The following SLC15A1 variants were observed in gnomAD, a reference collection of about 807,000 sequenced individuals.
SLC15A1 encodes the protein Caco-2 oligopeptide transporter.
Under a neutral mutation model 92.9 loss-of-function variants are expected in SLC15A1, and 83 were observed. That is an observed-to-expected ratio of 0.89 (90% CI 0.75 to 1.07). The LOEUF (loss-of-function observed/expected upper bound fraction) is 1.07. SLC15A1 is among the 50% of genes least tolerant of loss of function. The pLI is 0.00. For synonymous variants in SLC15A1, 322 were observed against 318.2 expected (o/e 1.01, Z -0.13); for missense variants, 857 against 880.1 (o/e 0.97, Z 0.33).
chr13:98,726,341 A>T (rs1444430730), intron 3 of SLC15A1, 27 bp downstream of exon 3: 1 of 1,614,164 alleles, frequency 6.2e-7, no homozygotes, highest in Admixed American at 1.7e-5. Context: ...TCTTCCCTGA[A>T]GGGTGAGAAA....
At chr13:98,700,257 T>G (rs1231849796) in intron 18 of SLC15A1, among the ~76,000 whole-genome samples, 1 of 151,058 alleles carries the variant, frequency 6.6e-6, no homozygotes, top group East Asian at 1.9e-4. Context: ...GAGTCTGGGG[T>G]GGGAGGATTG....
At chr13:98,716,001 C>T (rs2088209167) in intron 8 of SLC15A1, 41 bp from the exon 9 acceptor site, 1 of 1,551,784 alleles carries the variant, frequency 6.4e-7, no homozygotes, top group Admixed American at 1.7e-5. Context: ...AAGCATGTGA[C>T]CGAGCGCCCT....
intron 15 of SLC15A1, among the ~76,000 whole-genome samples, chr13:98,708,051 C>G (rs1346500759): frequency 2.0e-5 from 3 of 149,712 alleles, no homozygotes; most frequent in Admixed American, 6.7e-5. Flanking sequence ...TCTTAATAAA[C>G]TTGCTTTCAC....
intron 1 of SLC15A1, among the ~76,000 whole-genome samples, chr13:98,728,376 A>G (rs1279132820): frequency 1.3e-5 from 2 of 152,124 alleles, no homozygotes; most frequent in Non-Finnish European, 2.9e-5. Flanking sequence ...TTCTATTTCT[A>G]TGAAAGTTGT....
intron 18 of SLC15A1, among the ~76,000 whole-genome samples, chr13:98,700,060 G>A (rs9300504): frequency 0.04 from 6,085 of 152,246 alleles, 188 homozygotes; most frequent in East Asian, 0.095. Context: ...AGCTTTTAGA[G>A]TACTTTACAT....
Position 98,721,517 on chromosome 13 carries a change from T to G in SLC15A1, c.534A>C (p.Thr178=), listed in dbSNP as rs368333621. 6.2e-6 allele frequency: 10 copies of G among 1,613,242 alleles called. No homozygotes were observed. The highest frequency in any genetic ancestry group is 8.5e-6 in the Non-Finnish European group (10 of 1,179,602). The change falls in exon 7 of 23, where the codon ACA becomes ACC. Residue 178 remains threonine (T), a synonymous_variant. Coordinates refer to ENST00000376503, the MANE Select transcript of SLC15A1 (RefSeq NM_005073.4). ...TACCTCTGAGCATGGGTGTGATGAT[T>G]GTGGAAAGCAAACTTCCAGCATTAA... ...LAINAGSLLS[T]IITPMLRVQQ...
Position 98,686,278 on chromosome 13 carries a change from G to C in SLC15A1, c.1847C>G (p.Ser616Trp). 1 of 1,611,618 alleles carries C rather than the reference G, an allele frequency of 6.2e-7. No homozygotes were observed. The highest frequency in any genetic ancestry group is 8.5e-7 in the Non-Finnish European group (1 of 1,178,936). The change falls in exon 22 of 23, where the codon TCG becomes TGG. Residue 616 changes from serine to tryptophan, a missense_variant. Physicochemically the swap from Ser to Trp is radical, Grantham distance 177 (BLOSUM62 -3). Transcript: ENST00000376503. Reference protein sequence around the residue: ...SYSQAPSNMKSVLQAGWLLTV... With the variant: ...SYSQAPSNMKWVLQAGWLLTV... ...CAGCAGCCATCCTGCCTGAAGCACC[G>C]ACTTCATGTTGGAAGGAGCCTGAGG...
intron 1 of SLC15A1, among the ~76,000 whole-genome samples, chr13:98,750,243 G>A (rs1014920874): frequency 3.9e-5 from 6 of 152,066 alleles, no homozygotes; most frequent in Non-Finnish European, 4.4e-5. Context: ...CTCCCTAGTA[G>A]CTGGGACAAC....
chr13:98,736,511 A>G (rs2088395307), intron 1 of SLC15A1, among the ~76,000 whole-genome samples: 1 of 152,232 alleles, frequency 6.6e-6, no homozygotes, highest in African/African-American at 2.4e-5. Context: ...TAAACTAAAG[A>G]GCTCCTGCAC....
chr13:98,736,322 C>T (rs2088393610), intron 1 of SLC15A1, among the ~76,000 whole-genome samples: 1 of 152,280 alleles, frequency 6.6e-6, no homozygotes, highest in Middle Eastern at 3.4e-3. Flanking sequence ...CTTCCTTACA[C>T]CTTATACAAA....
At chr13:98,687,556 G>C in intron 21 of SLC15A1, 25 bp downstream of exon 21, 2 of 1,612,628 alleles carry the variant, frequency 1.2e-6, no homozygotes, top group Non-Finnish European at 1.7e-6. Flanking sequence ...TTGCAGATGG[G>C]TGGTAAATAC....
chr13:98,752,595 C>G lies in SLC15A1; in HGVS notation c.4G>C (p.Gly2Arg). The change falls in exon 1 of 23, where the codon GGA becomes CGA. Residue 2 changes from glycine (G) to arginine (R), a missense_variant and splice_region_variant. Gly to Arg is a moderately radical substitution (Grantham distance 125). Transcript: ENST00000376503. ...CCGGCCCCCCACCCGCCGAGCGTAC[C>G]CATGGCGGCGGCTCCCAGGGCTCCT... Reference protein sequence around the residue: MGMSKSHSFFGY... With the variant: MRMSKSHSFFGY... 8.0e-7 allele frequency: 1 copy of G among 1,257,408 alleles called. No homozygotes were observed. The highest frequency in any genetic ancestry group is 1.0e-6 in the Non-Finnish European group (1 of 1,001,142). 77.9% of individuals were successfully genotyped at this position (1,257,408 alleles called of 1,614,324 possible). A position where few individuals can be genotyped will look rare whatever the true frequency, so the allele number is the denominator to read the frequency against.
rs762410666 is a variant in SLC15A1 at position 98,715,900 on chromosome 13, C to T, written c.701G>A (p.Gly234Asp). Residue 234 changes from glycine (G) to aspartate (D), a missense_variant, in exon 9 of 23, where the codon GGT becomes GAT. Physicochemically the swap from Gly to Asp is moderately conservative, Grantham distance 94 (BLOSUM62 -1). Transcript: ENST00000376503. ...KKFKPQGNIM[G>D]KVAKCIGFAI... ...TACACCGATGCACTTGGCCACTTTA[C>T]CCATGATGTTGCCCTGTGGCTTGAA... is the stretch of plus-strand genomic sequence containing the variant. 1.2e-5 allele frequency: 20 copies of T among 1,614,138 alleles called. No individual in the cohort carries two copies. The Admixed American group carries it at 3.3e-4, about 27-fold the overall frequency.
At chr13:98,703,963 A>G (rs1361436538) in intron 17 of SLC15A1, among the ~76,000 whole-genome samples, 1 of 152,172 alleles carries the variant, frequency 6.6e-6, no homozygotes. Flanking sequence ...ATTTTAAATT[A>G]TCTGAAAAAG....
intron 1 of SLC15A1, among the ~76,000 whole-genome samples, chr13:98,740,001 AATTAC>A (rs2088430383): frequency 6.6e-6 from 1 of 152,114 alleles, no homozygotes; most frequent in Non-Finnish European, 1.5e-5. Flanking sequence ...CTCCAGGGTC[AATTAC>A]ATTGACCCAA....
Position 98,721,866 on chromosome 13 carries a change from C to T in SLC15A1, c.403G>A (p.Gly135Arg), listed in dbSNP as rs866010443. 1.3e-5 allele frequency: 21 copies of T among 1,613,928 alleles called. 1 individual carries two copies. The highest frequency in any genetic ancestry group is 5.3e-5 in the African/African-American group (4 of 74,898). Residue 135 changes from glycine (G) to arginine (R), a missense_variant, in exon 6 of 23, where the codon GGG becomes AGG. Physicochemically the swap from Gly to Arg is moderately radical, Grantham distance 125. Coordinates refer to ENST00000376503, the MANE Select transcript of SLC15A1 (RefSeq NM_005073.4). ...SLIGLALIALGTGGIKPCVSA... is the reference protein window; with the variant it reads ...SLIGLALIALRTGGIKPCVSA... ...ACACAGGGTTTGATTCCTCCAGTCC[C>T]GAGAGCTATCAGGGCCAGGCCGATC... is the stretch of plus-strand genomic sequence containing the variant.
In SLC15A1 at chr13:98,686,182, C is replaced by T. The variant is rs375028756; in HGVS notation, c.1935+8G>A. The T allele has an allele frequency of 1.3e-5, 21 of 1,602,350 alleles. No homozygotes were observed. The highest frequency in any genetic ancestry group is 6.7e-5 in the East Asian group (3 of 44,804). On this transcript the variant is annotated splice_region_variant and intron_variant, in intron 22 of 22. Coordinates refer to ENST00000376503, the MANE Select transcript of SLC15A1 (RefSeq NM_005073.4). ...GAGGTATGTGCAATCTCCTCTCCCA[C>T]GCCATACCTGTTTGCTGAACTGGCC... is the stretch of plus-strand genomic sequence containing the variant.
chr13:98,726,727 C>A, intron 2 of SLC15A1, 116 bp downstream of exon 2: 1 of 1,066,578 alleles, frequency 9.4e-7, no homozygotes, highest in East Asian at 2.4e-5. Context: ...AATCCGGGAT[C>A]ATACCCTCAC....
chr13:98,713,822 G>A (rs750897781), intron 9 of SLC15A1, among the ~76,000 whole-genome samples: 28 of 152,096 alleles, frequency 1.8e-4, no homozygotes, highest in Admixed American at 5.2e-4. Flanking sequence ...TGAGGTGGGC[G>A]GATCACTTGA....
Sources: gnomAD v4.1 joint callset for allele counts (sites outside exome capture counted in the v4.1 genomes callset) on GRCh38, gnomAD v4.1.1 for gene constraint, MANE v1.5 for transcripts, NCBI Gene and HGNC (gene_info 2026-07-23, HGNC 2026-07-21) for gene names.